The following WWOX variants were observed in gnomAD, a reference collection of about 807,000 sequenced individuals.
WWOX encodes the protein WW domain containing oxidoreductase.
WWOX carries 69 observed loss-of-function variants against 46.2 expected under a neutral mutation model. That is an observed-to-expected ratio of 1.49 (90% confidence interval 1.23 to 1.82). The LOEUF (loss-of-function observed/expected upper bound fraction) is 1.82. Ranked by LOEUF, WWOX falls within the 40% of genes most tolerant of loss-of-function variation. The probability of loss-of-function intolerance (pLI) is 0.00; values close to 1 mark genes in which losing one functional copy is unlikely to be tolerated. For missense variants in WWOX, 919 were observed against 542.6 expected (o/e 1.69, Z -6.89); for synonymous variants, 359 against 202.6 (o/e 1.77, Z -6.56).
intron 8 of WWOX, among the ~76,000 whole-genome samples, chr16:79,187,145 T>G (rs1039816170): frequency 1.3e-5 from 2 of 152,202 alleles, no homozygotes; most frequent in African/African-American, 4.8e-5. Flanking sequence ...AAATCCCAGC[T>G]CCACCACTTA....
At chr16:78,155,284 AGGAAG>A (rs561575637) in intron 4 of WWOX, among the ~76,000 whole-genome samples, 142 of 152,076 alleles carry the variant, frequency 9.3e-4, no homozygotes, top group African/African-American at 3.1e-3. Flanking sequence ...AAGGGAAGGA[AGGAAG>A]GGAAGGGAAG....
intron 8 of WWOX, among the ~76,000 whole-genome samples, chr16:78,506,788 C>T (rs1236174434): frequency 6.7e-6 from 1 of 148,296 alleles, no homozygotes; most frequent in African/African-American, 2.5e-5. Context: ...CTGTATGCTC[C>T]CTGCAACCTC....
At chr16:78,954,213 G>C (rs2046120014) in intron 8 of WWOX, among the ~76,000 whole-genome samples, 1 of 152,074 alleles carries the variant, frequency 6.6e-6, no homozygotes, top group African/African-American at 2.4e-5. Context: ...TGGTTGGATG[G>C]TTGGGTGGAT....
intron 8 of WWOX, among the ~76,000 whole-genome samples, chr16:78,999,411 G>T (rs141646663): frequency 0.011 from 1,622 of 152,156 alleles, 28 homozygotes; most frequent in African/African-American, 0.037. Context: ...CGGAAGTTGC[G>T]GTGAGCCGAG....
intron 5 of WWOX, among the ~76,000 whole-genome samples, chr16:78,218,934 T>G (rs956815721): frequency 6.6e-6 from 1 of 152,250 alleles, no homozygotes; most frequent in African/African-American, 2.4e-5. Flanking sequence ...ATCGTTGCAA[T>G]TAGATGCTTC....
At chr16:78,826,745 G>A (rs984487158) in intron 8 of WWOX, among the ~76,000 whole-genome samples, 2 of 152,076 alleles carry the variant, frequency 1.3e-5, no homozygotes, top group East Asian at 3.9e-4. Context: ...CTTTTTGGAG[G>A]CCACCATTCA....
rs1047833817 is a variant in WWOX at position 78,138,049 on chromosome 16, A to G, written c.409+22895A>G. ...TTCTTCTGATCAGCTTCTATAATGGATGCAATGAGGAAAGTTGTCTAGCAG... is the reference window on the plus strand; with the variant it reads ...TTCTTCTGATCAGCTTCTATAATGGGTGCAATGAGGAAAGTTGTCTAGCAG... On this transcript the variant is annotated intron_variant, in intron 4 of 8. Transcript: ENST00000566780. Among the ~76,000 whole-genome samples, 2 of 150,596 alleles carry G rather than the reference A, an allele frequency of 1.3e-5. 1 individual carries two copies. The highest frequency in any genetic ancestry group is 3.0e-5 in the Non-Finnish European group (2 of 67,574).
chr16:79,018,725 G>C (rs2047467805), intron 8 of WWOX, among the ~76,000 whole-genome samples: 1 of 152,188 alleles, frequency 6.6e-6, no homozygotes, highest in Non-Finnish European at 1.5e-5. Flanking sequence ...TGATTCTGCA[G>C]AGCCATAAAC....
intron 8 of WWOX, among the ~76,000 whole-genome samples, chr16:79,089,219 A>C (rs1001700148): frequency 1.3e-5 from 2 of 152,104 alleles, no homozygotes; most frequent in East Asian, 3.9e-4. Context: ...CTCATGTTTT[A>C]TATGGAGACA....
At chr16:78,533,436 A>T (rs527487586) in intron 8 of WWOX, among the ~76,000 whole-genome samples, 5 of 151,634 alleles carry the variant, frequency 3.3e-5, no homozygotes, top group African/African-American at 4.8e-5. Context: ...TCCCCAAAAA[A>T]TCTCATAATG....
At chr16:79,156,641 T>G (rs1040479288) in intron 8 of WWOX, among the ~76,000 whole-genome samples, 1 of 152,112 alleles carries the variant, frequency 6.6e-6, no homozygotes, top group Non-Finnish European at 1.5e-5. Flanking sequence ...AGCTGTTATC[T>G]TCCAGAAACA....
chr16:78,839,543 T>G (rs1334973297), intron 8 of WWOX, among the ~76,000 whole-genome samples: 1 of 152,236 alleles, frequency 6.6e-6, no homozygotes, highest in African/African-American at 2.4e-5. Context: ...CTAATAGGTG[T>G]TAATACTTTG....
At chr16:78,335,214 GCA>G (rs1567508747) in intron 5 of WWOX, among the ~76,000 whole-genome samples, 4 of 152,122 alleles carry the variant, frequency 2.6e-5, no homozygotes, top group Non-Finnish European at 5.9e-5. Context: ...GTGGTTTGCT[GCA>G]GAGATCAACT....
chr16:79,209,256 G>C (rs1049283138), intron 8 of WWOX, among the ~76,000 whole-genome samples: 5 of 152,184 alleles, frequency 3.3e-5, no homozygotes, highest in South Asian at 2.1e-4. Context: ...TAGGTCCCCA[G>C]CTCCTGCAAC....
At chr16:78,829,749 A>T (rs6564604) in intron 8 of WWOX, among the ~76,000 whole-genome samples, 1 of 152,010 alleles carries the variant, frequency 6.6e-6, no homozygotes, top group African/African-American at 2.4e-5. Context: ...AGACCCAGAG[A>T]TTCAGAGTAT....
At chr16:78,920,999 A>G (rs927060071) in intron 8 of WWOX, among the ~76,000 whole-genome samples, 1 of 152,144 alleles carries the variant, frequency 6.6e-6, no homozygotes, top group Admixed American at 6.6e-5. Context: ...CAGCTCCCAC[A>G]CTGGCTGTTT....
intron 8 of WWOX, among the ~76,000 whole-genome samples, chr16:78,451,603 A>G (rs1035735374): frequency 2.0e-5 from 3 of 152,286 alleles, no homozygotes; most frequent in Non-Finnish European, 2.9e-5. Flanking sequence ...TTTTCACTGT[A>G]AAATGGGGAA....
chr16:78,757,099 A>G, intron 8 of WWOX: 1 of 690,644 alleles, frequency 1.4e-6, no homozygotes, highest in Non-Finnish European at 2.6e-6. Flanking sequence ...TCTTGACTGG[A>G]ACTTTATTTG....
Position 78,878,179 on chromosome 16 carries a change from A to G in WWOX, c.1057-333429A>G, listed in dbSNP as rs144476489. On this transcript the variant is annotated intron_variant, in intron 8 of 8. Coordinates refer to ENST00000566780, the MANE Select transcript of WWOX (RefSeq NM_016373.4). ...TGCTTCCGAGGTGGTGCTGCATGCT[A>G]TTCAGGAGGACAGACCATGGATGGA... 2.4e-3 allele frequency among the ~76,000 whole-genome samples: 362 copies of G among 152,268 alleles called. 3 individuals carry two copies. The highest frequency in any genetic ancestry group is 8.4e-3 in the African/African-American group (351 of 41,554).
Sources: allele counts gnomAD v4.1 joint callset (sites outside exome capture counted in the v4.1 genomes callset), GRCh38; gene constraint gnomAD v4.1.1; transcripts MANE v1.5; gene names NCBI Gene and HGNC (gene_info 2026-07-23, HGNC 2026-07-21).